Variants in STK10 observed in about 807,000 individuals in gnomAD.
STK10 encodes the protein serine/threonine-protein kinase 10.
In STK10, 78 loss-of-function variants were observed where a neutral mutation model predicts 113.8. The observed-to-expected ratio is 0.69, with a 90% CI of 0.57 to 0.83. The LOEUF is 0.83. STK10 is among the 40% of genes least tolerant of loss of function. The pLI, the probability that STK10 is intolerant of heterozygous loss-of-function variation, is 0.00. For missense variants in STK10, 1,109 were observed against 1,280.1 expected (o/e 0.87, Z 2.04); for synonymous variants, 465 against 494.7 (o/e 0.94, Z 0.80).
intron 1 of STK10, among the ~76,000 whole-genome samples, chr5:172,165,793 CTTTTTTT>C (rs3028106): frequency 6.7e-6 from 1 of 148,412 alleles, no homozygotes; most frequent in African/African-American, 2.5e-5. Context: ...TGGTTGTTTG[CTTTTTTT>C]TTTTTTTTTG....
rs763784912 is a variant in STK10, at chr5:172,090,254, C to T, written c.1663G>A (p.Asp555Asn). The T allele has an allele frequency of 1.2e-6, 2 of 1,614,042 alleles. No individual in the cohort carries two copies. Among genetic ancestry groups the T allele is most frequent in the Non-Finnish European group, 1.7e-6 (2 of 1,179,986 alleles). Residue 555 changes from aspartate to asparagine, a missense_variant, in exon 10 of 19, where the codon GAT (aspartate) becomes AAT (asparagine). Asp to Asn is a conservative substitution (Grantham distance 23). Around this residue, in one of 5 missense-constraint regions of STK10, gnomAD observed 885 missense variants for 991.1 expected, o/e 0.89. Coordinates refer to ENST00000176763, the MANE Select transcript of STK10 (RefSeq NM_005990.4). ...TGCCTGAGAAATCTCATCTCCTCAT[C>T]CTTCTTCTCATCTTCGCTGATGATC... ...SKIISEDEKK[D>N]EEMRFLRRQE...
At chr5:172,096,760 G>A (rs1188127293) in intron 7 of STK10, among the ~76,000 whole-genome samples, 200 bp from the exon 8 acceptor site, 3 of 152,190 alleles carry the variant, frequency 2.0e-5, no homozygotes, top group African/African-American at 4.8e-5. Context: ...GTGTCTCTCA[G>A]CGGCTGTGTG....
chr5:172,054,595 T>C lies in STK10; in HGVS notation c.2626A>G (p.Asn876Asp). The change falls in exon 17 of 19, where the codon AAC (asparagine) becomes GAC (aspartate). Residue 876 changes from asparagine to aspartate, a missense_variant. Physicochemically the swap from Asn to Asp is conservative, Grantham distance 23. Coordinates refer to ENST00000176763, the MANE Select transcript of STK10 (RefSeq NM_005990.4). The stretch of plus-strand genomic sequence containing the variant: ...TGCAGCTGCTGCAGCTCGCTCATGT[T>C]GCTCTCACACTGCGCCAGCATGTCC... ...MRDMLAQCES[N>D]MSELQQLQNE... is the part of the protein sequence containing the mutation. 1 of 1,608,998 alleles carries C rather than the reference T, an allele frequency of 6.2e-7. No homozygotes were observed. The highest frequency in any genetic ancestry group is 8.5e-7 in the Non-Finnish European group (1 of 1,179,780).
At chr5:172,113,990 T>A (rs1769307265) in intron 4 of STK10, among the ~76,000 whole-genome samples, 1 of 152,136 alleles carries the variant, frequency 6.6e-6, no homozygotes, top group South Asian at 2.1e-4. Context: ...AACTTATGCA[T>A]ATCATCTGCA....
chr5:172,118,512 G>A, intron 3 of STK10, among the ~76,000 whole-genome samples: 1 of 152,136 alleles, frequency 6.6e-6, no homozygotes, highest in East Asian at 1.9e-4. Flanking sequence ...TAAAGGAAGA[G>A]AATAGGTGGG....
At position 172,090,293 on chromosome 5, in the gene STK10, T is replaced by C. The variant is rs1362733664; in HGVS notation, c.1624A>G (p.Ile542Val). The change falls in exon 10 of 19, where the codon ATC (isoleucine) becomes GTC (valine). Residue 542 changes from isoleucine (I) to valine (V), a missense_variant. Physicochemically the swap from Ile to Val is conservative, Grantham distance 29. Transcript: ENST00000176763. ...TCGCTGATGATCTTGGAGGTGGTGA[T>C]GCTCACCTCCACACCATCCACCACA... Reference protein sequence around the residue: ...KFVVDGVEVSITTSKIISEDE... With the variant: ...KFVVDGVEVSVTTSKIISEDE... 2 of 1,614,050 alleles carry C rather than the reference T, an allele frequency of 1.2e-6. No individual in the cohort carries two copies. The highest frequency in any genetic ancestry group is 1.7e-6 in the Non-Finnish European group (2 of 1,180,022).
At chr5:172,104,636 A>G (rs750863890) in intron 7 of STK10, among the ~76,000 whole-genome samples, 3 of 152,192 alleles carry the variant, frequency 2.0e-5, no homozygotes, top group Non-Finnish European at 2.9e-5. Context: ...AAGGCCCTGC[A>G]GGACCCTGTG....
chr5:172,108,777 AT>A (rs1041002856), intron 4 of STK10, among the ~76,000 whole-genome samples: 4 of 151,358 alleles, frequency 2.6e-5, no homozygotes, highest in African/African-American at 9.7e-5. Flanking sequence ...ATTTATTACT[AT>A]TTATTAATTT....
chr5:172,088,382 G>A (rs1768617881), intron 10 of STK10, among the ~76,000 whole-genome samples: 1 of 152,026 alleles, frequency 6.6e-6, no homozygotes, highest in Non-Finnish European at 1.5e-5. Flanking sequence ...AAATTAGCCG[G>A]GCATGGTGGC....
Position 172,188,213 on chromosome 5 carries a change from C to T in STK10, c.-171G>A, listed in dbSNP as rs1336284328. 4 of 1,183,774 alleles carry T rather than the reference C, an allele frequency of 3.4e-6. No homozygotes were observed. The highest frequency in any genetic ancestry group is 3.2e-5 in the East Asian group (1 of 31,416). The allele number at this position is 1,183,774 out of a possible 1,614,324, so 73.3% of individuals were successfully genotyped here. ...CGGTCAAGTGTGCCCTGGGCAGCGC[C>T]GCGCCGGGAGCACCCGGAACCGCGC... On this transcript the variant is annotated 5_prime_UTR_variant, in exon 1 of 19. Coordinates refer to ENST00000176763, the MANE Select transcript of STK10 (RefSeq NM_005990.4). The surrounding 1 kb of genome is among the most constrained non-coding windows in gnomAD (Gnocchi z 5.6).
In STK10 at chr5:172,106,418, AG is replaced by A. The variant is rs70982366; in HGVS notation, c.788+201del. Among the ~76,000 whole-genome samples the A allele has an allele frequency of 2.1e-4, 30 of 141,442 alleles. 3 individuals are homozygous for A. In the South Asian group the frequency reaches 3.4e-3, roughly 16 times the overall value. The allele number at this position is 141,442 out of a possible 152,430, so 92.8% of individuals were successfully genotyped here. ...CCCTATCTCAAAAAAAAAAAAAAAAAGGAACACAAAGGGAAAAAGAGGCACG... is the reference window on the plus strand; with the variant it reads ...CCCTATCTCAAAAAAAAAAAAAAAAAGAACACAAAGGGAAAAAGAGGCACG... On this transcript the variant is annotated intron_variant, in intron 6 of 18. Coordinates refer to ENST00000176763, the MANE Select transcript of STK10 (RefSeq NM_005990.4).
chr5:172,080,768 T>A (rs1012207323), intron 12 of STK10, among the ~76,000 whole-genome samples: 4 of 150,932 alleles, frequency 2.7e-5, no homozygotes, highest in African/African-American at 1.0e-4. Flanking sequence ...AACGTGAAAG[T>A]GCAAGGTGCA....
intron 14 of STK10, among the ~76,000 whole-genome samples, chr5:172,059,086 T>G (rs1767872853): frequency 6.7e-6 from 1 of 149,280 alleles, no homozygotes; most frequent in Admixed American, 6.7e-5. Context: ...AAAAATTAGC[T>G]GGGCATGGTG....
intron 2 of STK10, among the ~76,000 whole-genome samples, chr5:172,150,833 G>C (rs1581179866): frequency 1.3e-5 from 2 of 152,176 alleles, no homozygotes; most frequent in East Asian, 3.9e-4. Context: ...AAGCCACACT[G>C]AGAAAGGCCC....
At chr5:172,175,690 A>C (rs531966897) in intron 1 of STK10, among the ~76,000 whole-genome samples, 141 of 152,328 alleles carry the variant, frequency 9.3e-4, no homozygotes, top group Middle Eastern at 3.4e-3. Context: ...CACAGAGACC[A>C]CAAGGCCAAG....
chr5:172,062,009 G>A (rs34878197), intron 13 of STK10, among the ~76,000 whole-genome samples: 4 of 148,328 alleles, frequency 2.7e-5, no homozygotes, highest in East Asian at 4.0e-4. Flanking sequence ...AGAGAGTCTC[G>A]CTCTGTCACC....
In STK10 at chr5:172,070,917, T is replaced by C. The variant is rs538621047; in HGVS notation, c.1990-6105A>G. ...CCTTGAAAGACAGAAGCTACTAAAG[T>C]TTACTTAAGAAGAAACAGGCCAGGG... is the stretch of plus-strand genomic sequence containing the variant. On this transcript the variant is annotated intron_variant, in intron 12 of 18. Transcript: ENST00000176763. 1.1e-3 allele frequency among the ~76,000 whole-genome samples: 167 copies of C among 151,996 alleles called. 1 individual carries two copies. Among genetic ancestry groups the C allele is most frequent in the Non-Finnish European group, 1.5e-3 (100 of 67,962 alleles).
intron 9 of STK10, among the ~76,000 whole-genome samples, chr5:172,091,884 C>CAGCCCCTG (rs1768718273): frequency 1.3e-5 from 2 of 152,170 alleles, no homozygotes; most frequent in African/African-American, 4.8e-5. Flanking sequence ...CGGGGCCTCC[C>CAGCCCCTG]AGCCCCTGAA....
chr5:172,136,214 C>T (rs940867932), intron 2 of STK10, among the ~76,000 whole-genome samples: 4 of 152,042 alleles, frequency 2.6e-5, no homozygotes, highest in African/African-American at 9.7e-5. Context: ...TAGAAAAATT[C>T]CTAGAAACAC....
Sources: allele counts gnomAD v4.1 joint callset (sites outside exome capture counted in the v4.1 genomes callset), GRCh38; gene constraint gnomAD v4.1.1; regional missense constraint gnomAD v4.1.1; non-coding constraint Gnocchi (gnomAD v3.1); transcripts MANE v1.5; gene names NCBI Gene and HGNC (gene_info 2026-07-23, HGNC 2026-07-21).